The following SPATA16 variants were observed in gnomAD, a reference collection of about 807,000 sequenced individuals.
The protein encoded by SPATA16 is spermatogenesis associated 16.
In SPATA16, 36 loss-of-function variants were observed where a neutral mutation model predicts 63.3. The observed-to-expected ratio is 0.57, with a 90% CI of 0.44 to 0.75. SPATA16 has a LOEUF of 0.75. Among genes scored for constraint, SPATA16 ranks in the 30% least tolerant of loss-of-function variants. The pLI is 0.00. For synonymous variants in SPATA16, 203 were observed against 216.7 expected, an observed-to-expected ratio of 0.94 and a Z score of 0.56; for missense variants, 646 against 679.3, an observed-to-expected ratio of 0.95 and a Z score of 0.54.
At chr3:173,010,786 T>C (rs1042743521) in intron 4 of SPATA16, among the ~76,000 whole-genome samples, 3 of 151,954 alleles carry the variant, frequency 2.0e-5, no homozygotes, top group East Asian at 1.9e-4. Context: ...GTGATTTCCG[T>C]TGGGCTCCTA....
chr3:172,924,518 A>G (rs1732684945), intron 7 of SPATA16, among the ~76,000 whole-genome samples: 1 of 152,184 alleles, frequency 6.6e-6, no homozygotes, highest in Non-Finnish European at 1.5e-5. Context: ...TGCCCTTTCG[A>G]CACTATCATT....
At chr3:172,928,843 A>T (rs536102788) in intron 6 of SPATA16, among the ~76,000 whole-genome samples, 57 of 151,316 alleles carry the variant, frequency 3.8e-4, no homozygotes, top group African/African-American at 7.0e-4. Context: ...TTAGAAAAAA[A>T]TTTTTTTTCA....
At chr3:172,941,500 A>G (rs1232317832) in intron 6 of SPATA16, among the ~76,000 whole-genome samples, 1 of 152,250 alleles carries the variant, frequency 6.6e-6, no homozygotes, top group African/African-American at 2.4e-5. Flanking sequence ...ACTTCCCAAC[A>G]GCAATGACAC....
chr3:172,990,567 C>G lies in SPATA16; in HGVS notation c.849-13515G>C, dbSNP rs58967181. ...ATTCATAAGCTATATTCTCCTATCT[C>G]TAGCCATAGGTACCACTTCATTCAT... On this transcript the variant is annotated intron_variant, in intron 4 of 10. Coordinates refer to ENST00000351008, the MANE Select transcript of SPATA16 (RefSeq NM_031955.6). Among the ~76,000 whole-genome samples, 84 of 152,288 alleles carry G rather than the reference C, an allele frequency of 5.5e-4. 1 individual carries two copies. The East Asian group carries it at 0.015, about 28-fold the overall frequency.
rs1732124728 is a variant in SPATA16 at position 172,901,426 on chromosome 3, C to T, written c.1588-11734G>A. ...TGATGGCCAGGCTGGTCTCAAACTC[C>T]TGGTCTCAAGTGATCCACCTGCCTT... On this transcript the variant is annotated intron_variant, in intron 10 of 10. Coordinates refer to ENST00000351008, the MANE Select transcript of SPATA16 (RefSeq NM_031955.6). Among the ~76,000 whole-genome samples the T allele has an allele frequency of 3.3e-5, 5 of 152,324 alleles. No homozygotes were observed. The South Asian group carries it at 1.0e-3, about 32-fold the overall frequency.
chr3:173,086,728 T>C (rs1737066472), intron 2 of SPATA16, among the ~76,000 whole-genome samples: 2 of 152,196 alleles, frequency 1.3e-5, no homozygotes, highest in South Asian at 4.1e-4. Context: ...GAGATTCTGG[T>C]ACACTGTCTC....
rs1734182098 is a variant in SPATA16, at chr3:172,977,160, A to G, written c.849-108T>C. ...TACTGAGGAAGATGATTTTTAATGTATAAATTTGTCTAGACTAATATTAAG... is the reference window on the plus strand; with the variant it reads ...TACTGAGGAAGATGATTTTTAATGTGTAAATTTGTCTAGACTAATATTAAG... On this transcript the variant is annotated intron_variant, in intron 4 of 10. Coordinates refer to ENST00000351008, the MANE Select transcript of SPATA16 (RefSeq NM_031955.6). 5 of 924,758 alleles carry G rather than the reference A, an allele frequency of 5.4e-6. No homozygotes were observed. The East Asian group carries it at 1.0e-4, about 19-fold the overall frequency. The allele number at this position is 924,758 out of a possible 1,614,324, so 57.3% of individuals were successfully genotyped here. A position where few individuals can be genotyped will look rare whatever the true frequency, so the allele number is the denominator to read the frequency against.
chr3:172,967,300 A>T (rs563214500), intron 5 of SPATA16, among the ~76,000 whole-genome samples: 1 of 152,344 alleles, frequency 6.6e-6, no homozygotes, highest in Admixed American at 6.5e-5. Flanking sequence ...AAAGTAAAGA[A>T]AAAGCTGCAT....
intron 2 of SPATA16, among the ~76,000 whole-genome samples, chr3:173,050,893 A>C (rs1156904136): frequency 1.3e-5 from 2 of 152,342 alleles, no homozygotes; most frequent in Non-Finnish European, 2.9e-5. Flanking sequence ...TAAAACATTT[A>C]AACCAGATTT....
At chr3:172,952,984 G>A (rs1277219570) in intron 6 of SPATA16, among the ~76,000 whole-genome samples, 5 of 147,376 alleles carry the variant, frequency 3.4e-5, no homozygotes, top group African/African-American at 1.3e-4. Flanking sequence ...TAAACAACTA[G>A]CCAGTTTTTG....
At chr3:173,018,585 T>C (rs1424171511) in intron 4 of SPATA16, among the ~76,000 whole-genome samples, 1 of 152,076 alleles carries the variant, frequency 6.6e-6, no homozygotes, top group Non-Finnish European at 1.5e-5. Flanking sequence ...ATGAAGCCAT[T>C]TTATTATACA....
chr3:173,018,184 A>G (rs951645163), intron 4 of SPATA16, among the ~76,000 whole-genome samples: 1 of 151,964 alleles, frequency 6.6e-6, no homozygotes, highest in Admixed American at 6.6e-5. Context: ...ATTGAGATGA[A>G]CTCTGCTTTC....
chr3:172,960,324 A>AAAAC (rs1483404000), intron 5 of SPATA16, among the ~76,000 whole-genome samples: 1 of 152,198 alleles, frequency 6.6e-6, no homozygotes, highest in Non-Finnish European at 1.5e-5. Context: ...GAAAATGGAG[A>AAAAC]AAACAATCAG....
At chr3:173,028,143 T>C (rs1347186761) in intron 3 of SPATA16, among the ~76,000 whole-genome samples, 1 of 150,994 alleles carries the variant, frequency 6.6e-6, no homozygotes, top group Non-Finnish European at 1.5e-5. Context: ...GTTACCATTG[T>C]CTTGGCTGTT....
At chr3:172,961,026 TTCTC>T (rs1228369248) in intron 5 of SPATA16, among the ~76,000 whole-genome samples, 94 of 111,982 alleles carry the variant, frequency 8.4e-4, no homozygotes, top group South Asian at 2.1e-3. Flanking sequence ...TTTTCTCTCT[TTCTC>T]TCTTTCTTTC....
chr3:172,926,132 T>C (rs914775186), intron 6 of SPATA16, among the ~76,000 whole-genome samples: 2 of 152,064 alleles, frequency 1.3e-5, no homozygotes, highest in African/African-American at 4.8e-5. Context: ...AGCTGAGAAT[T>C]TGATTTTTCT....
At chr3:172,943,452 C>T (rs1196634100) in intron 6 of SPATA16, among the ~76,000 whole-genome samples, 1 of 152,176 alleles carries the variant, frequency 6.6e-6, no homozygotes. Flanking sequence ...TATCTATGTA[C>T]TGGAACAGGG....
intron 2 of SPATA16, among the ~76,000 whole-genome samples, chr3:173,061,214 G>T (rs1039507986): frequency 6.6e-6 from 1 of 152,144 alleles, no homozygotes; most frequent in African/African-American, 2.4e-5. Flanking sequence ...ATTAACATTT[G>T]TACGTGGATA....
intron 2 of SPATA16, among the ~76,000 whole-genome samples, chr3:173,087,912 C>T (rs1285271472): frequency 6.6e-6 from 1 of 152,036 alleles, no homozygotes; most frequent in African/African-American, 2.4e-5. Flanking sequence ...TGATGGGCTT[C>T]CCATTGTAGA....
Sources: gnomAD v4.1 joint callset for allele counts (sites outside exome capture counted in the v4.1 genomes callset) on GRCh38, gnomAD v4.1.1 for gene constraint, MANE v1.5 for transcripts, NCBI Gene and HGNC (gene_info 2026-07-23, HGNC 2026-07-21) for gene names.